THRB: variants seen among roughly 807,000 people sequenced by gnomAD.
THRB encodes thyroid hormone receptor beta.
Under a neutral mutation model 47.8 loss-of-function variants are expected in THRB, and 12 were observed. The ratio of observed to expected loss-of-function variants is 0.25; its 90% CI spans 0.16 to 0.41. The LOEUF (loss-of-function observed/expected upper bound fraction) is 0.41, where lower values mean the gene tolerates loss of function less well. Ranked by LOEUF, THRB falls within the 10% of genes least tolerant of loss-of-function variation. THRB has a pLI of 1.00. For missense variants in THRB, 348 were observed against 589.2 expected, an observed-to-expected ratio of 0.59 and a Z score of 4.24; for synonymous variants, 218 against 212.2, an observed-to-expected ratio of 1.03 and a Z score of -0.24.
chr3:24,205,297 C>T (rs1214121807), intron 4 of THRB, among the ~76,000 whole-genome samples: 1 of 152,200 alleles, frequency 6.6e-6, no homozygotes, highest in Admixed American at 6.5e-5. Context: ...AGACTAATAG[C>T]AGATCTCTCG....
intron 4 of THRB, among the ~76,000 whole-genome samples, chr3:24,218,084 G>C (rs572362041): frequency 6.6e-6 from 1 of 151,948 alleles, no homozygotes; most frequent in African/African-American, 2.4e-5. Context: ...GGCTAATACC[G>C]TGAAACCTCG....
At chr3:24,150,274 A>G (rs191071712) in intron 6 of THRB, among the ~76,000 whole-genome samples, 313 of 152,346 alleles carry the variant, frequency 2.1e-3, no homozygotes, top group African/African-American at 7.3e-3. Context: ...AGGTTTGAAT[A>G]AACGATATAG....
chr3:24,436,296 A>C (rs2070940484), intron 1 of THRB, among the ~76,000 whole-genome samples: 1 of 152,134 alleles, frequency 6.6e-6, no homozygotes, highest in African/African-American at 2.4e-5. Flanking sequence ...AAAGCCCAGC[A>C]CTGTAAGGGA....
At chr3:24,176,031 T>G (rs191529227) in intron 5 of THRB, among the ~76,000 whole-genome samples, 1 of 152,320 alleles carries the variant, frequency 6.6e-6, no homozygotes, top group East Asian at 1.9e-4. Context: ...AATAATGTGT[T>G]TCAACACAAA....
chr3:24,416,452 G>A (rs1403344231), intron 1 of THRB, among the ~76,000 whole-genome samples: 1 of 151,822 alleles, frequency 6.6e-6, no homozygotes, highest in African/African-American at 2.4e-5. Context: ...AAGTACTAAT[G>A]AACAGTAAAG....
chr3:24,297,831 G>A (rs1042933997), intron 2 of THRB, among the ~76,000 whole-genome samples: 9 of 152,312 alleles, frequency 5.9e-5, no homozygotes, highest in Non-Finnish European at 8.8e-5. Flanking sequence ...TTTGGACCCA[G>A]CCCATAATGC....
chr3:24,276,161 A>G (rs893904965), intron 3 of THRB, among the ~76,000 whole-genome samples: 6 of 152,118 alleles, frequency 3.9e-5, no homozygotes, highest in African/African-American at 1.4e-4. Flanking sequence ...TGGCTATGCT[A>G]AGTAGTATTG....
At chr3:24,254,263 C>T (rs1409640647) in intron 3 of THRB, among the ~76,000 whole-genome samples, 7 of 129,508 alleles carry the variant, frequency 5.4e-5, no homozygotes, top group Non-Finnish European at 7.8e-5. Context: ...GGCATGGTGG[C>T]GGATGTCTGT....
intron 3 of THRB, among the ~76,000 whole-genome samples, chr3:24,287,653 G>A (rs1394344863): frequency 6.6e-6 from 1 of 152,174 alleles, no homozygotes; most frequent in Non-Finnish European, 1.5e-5. Context: ...CAATTCTAGA[G>A]AATGTTTGAG....
At chr3:24,228,193 G>GT (rs1317771974) in intron 4 of THRB, among the ~76,000 whole-genome samples, 5 of 152,080 alleles carry the variant, frequency 3.3e-5, no homozygotes, top group African/African-American at 1.2e-4. Context: ...CATCACTGGT[G>GT]TTATCAGCCT....
chr3:24,231,806 G>A (rs2048289015), intron 3 of THRB, among the ~76,000 whole-genome samples: 1 of 152,158 alleles, frequency 6.6e-6, no homozygotes, highest in Admixed American at 6.5e-5. Context: ...CACAGCCTTG[G>A]CAGAGGCCTG....
rs2073015775 is a variant in THRB, at chr3:24,454,847, C to T, written c.-261+39805G>A. Among the ~76,000 whole-genome samples, 3 of 152,118 alleles carry T rather than the reference C, an allele frequency of 2.0e-5. No homozygotes were observed. The South Asian group carries it at 6.2e-4, about 32-fold the overall frequency. ...AGAAAACATACTCGGAAAGAATAAA[C>T]ATCCTTTCCACGATCACAAAGATAA... On this transcript the variant is annotated intron_variant, in intron 1 of 10. Transcript: ENST00000646209.
chr3:24,478,783 A>G (rs1402219764), intron 1 of THRB, among the ~76,000 whole-genome samples: 1 of 152,190 alleles, frequency 6.6e-6, no homozygotes, highest in East Asian at 1.9e-4. Flanking sequence ...GAAGATCATC[A>G]TGATGAAAAA....
intron 1 of THRB, among the ~76,000 whole-genome samples, chr3:24,493,618 G>T (rs1023696640): frequency 2.0e-5 from 3 of 152,124 alleles, no homozygotes; most frequent in African/African-American, 4.8e-5. Context: ...CTAAATTTAT[G>T]TGGACAAAGG....
chr3:24,262,305 C>T (rs1261215309), intron 3 of THRB, among the ~76,000 whole-genome samples: 1 of 152,192 alleles, frequency 6.6e-6, no homozygotes, highest in Non-Finnish European at 1.5e-5. Flanking sequence ...TTTCTGCTTT[C>T]ATCTTTGTCC....
chr3:24,220,944 G>A (rs1444847308), intron 4 of THRB, among the ~76,000 whole-genome samples: 1 of 152,346 alleles, frequency 6.6e-6, no homozygotes, highest in Non-Finnish European at 1.5e-5. Context: ...ATTGGCTTCA[G>A]CCTGCTAATG....
chr3:24,343,397 A>T (rs1396569368), intron 1 of THRB, among the ~76,000 whole-genome samples: 1 of 152,196 alleles, frequency 6.6e-6, no homozygotes, highest in East Asian at 1.9e-4. Context: ...ATAAAAAAGG[A>T]GAAAATGGAA....
intron 6 of THRB, among the ~76,000 whole-genome samples, chr3:24,151,340 T>G (rs1425025789): frequency 6.6e-6 from 1 of 152,088 alleles, no homozygotes; most frequent in Non-Finnish European, 1.5e-5. Context: ...ATTTGGGGGC[T>G]TTACGAGCAA....
chr3:24,233,174 T>C (rs4858111), intron 3 of THRB, among the ~76,000 whole-genome samples: 11,898 of 152,190 alleles, frequency 0.078, 537 homozygotes, highest in Non-Finnish European at 0.095. Context: ...GGTAAAGTTA[T>C]TATTGAATCC....
Sources: gnomAD v4.1 joint callset for allele counts (sites outside exome capture counted in the v4.1 genomes callset) on GRCh38, gnomAD v4.1.1 for gene constraint, MANE v1.5 for transcripts, NCBI Gene and HGNC (gene_info 2026-07-23, HGNC 2026-07-21) for gene names.